Variants in LRP6 observed in about 807,000 individuals in gnomAD.
LRP6 encodes LDL receptor related protein 6.
In LRP6, 43 loss-of-function variants were observed where a neutral mutation model predicts 184.1. The ratio of observed to expected loss-of-function variants is 0.23; its 90% CI spans 0.18 to 0.30. LRP6 has a LOEUF of 0.30. Ranked by LOEUF, LRP6 falls within the 10% of genes least tolerant of loss-of-function variation. The pLI is 1.00. For synonymous variants in LRP6, 719 were observed against 684.9 expected (o/e 1.05, Z -0.78); for missense variants, 1,571 against 2,005.3 (o/e 0.78, Z 4.14).
chr12:12,182,707 C>T (rs1863372500), intron 5 of LRP6, among the ~76,000 whole-genome samples: 1 of 152,186 alleles, frequency 6.6e-6, no homozygotes, highest in Non-Finnish European at 1.5e-5. Context: ...GCCCAAATGC[C>T]ACTGCAGGAA....
At chr12:12,233,821 T>C (rs1478536464) in intron 2 of LRP6, among the ~76,000 whole-genome samples, 1 of 152,070 alleles carries the variant, frequency 6.6e-6, no homozygotes, top group Non-Finnish European at 1.5e-5. Flanking sequence ...AAGTGAGATA[T>C]CGATGTGTGA....
intron 15 of LRP6, among the ~76,000 whole-genome samples, chr12:12,146,353 C>T (rs1048296926): frequency 6.6e-6 from 1 of 152,186 alleles, no homozygotes; most frequent in Admixed American, 6.5e-5. Flanking sequence ...ACCATACTGG[C>T]CAATGCTAGG....
intron 2 of LRP6, among the ~76,000 whole-genome samples, chr12:12,228,804 C>T (rs942555683): frequency 1.8e-4 from 28 of 152,268 alleles, no homozygotes; most frequent in African/African-American, 6.3e-4. Context: ...TGTGGAAAAA[C>T]TGTCTTCCAC....
chr12:12,178,033 T>C (rs1863240730), intron 7 of LRP6, among the ~76,000 whole-genome samples: 2 of 152,094 alleles, frequency 1.3e-5, no homozygotes, highest in African/African-American at 4.8e-5. Flanking sequence ...TGTATATATA[T>C]ATATATGCAT....
intron 15 of LRP6, among the ~76,000 whole-genome samples, chr12:12,143,498 T>C (rs1013440011): frequency 6.6e-6 from 1 of 152,022 alleles, no homozygotes; most frequent in Non-Finnish European, 1.5e-5. Context: ...ATGAATCTAT[T>C]GCAGTTATAA....
chr12:12,214,896 G>C (rs1864300052), intron 2 of LRP6, among the ~76,000 whole-genome samples: 2 of 152,194 alleles, frequency 1.3e-5, no homozygotes, highest in South Asian at 4.1e-4. Flanking sequence ...AAACTCACCA[G>C]ATCACCACAT....
At chr12:12,252,458 CTAAGTT>C (rs1488903977) in intron 1 of LRP6, among the ~76,000 whole-genome samples, 2 of 152,178 alleles carry the variant, frequency 1.3e-5, no homozygotes, top group African/African-American at 4.8e-5. Flanking sequence ...CTTACCCTCC[CTAAGTT>C]TAAGTTAAAT....
intron 3 of LRP6, among the ~76,000 whole-genome samples, chr12:12,196,681 A>G (rs1028029141): frequency 1.3e-5 from 2 of 151,644 alleles, no homozygotes; most frequent in African/African-American, 4.8e-5. Flanking sequence ...TATTTCATTT[A>G]TATGTCCAGA....
chr12:12,179,823 G>C lies in LRP6; in HGVS notation c.1532C>G (p.Thr511Arg), dbSNP rs1863298098. 1.2e-6 allele frequency: 2 copies of C among 1,613,738 alleles called. No homozygotes were observed. Residue 511 changes from threonine to arginine, a missense_variant, in exon 7 of 23, where the codon ACA (threonine) becomes AGA (arginine). Coordinates refer to ENST00000261349, the MANE Select transcript of LRP6 (RefSeq NM_002336.3). ...CAAAAAACAAACCTCAATCTTGTCT[G>C]TTTTGGCATCTCCCCAGTATATTTT... ...EGKIYWGDAK[T>R]DKIEVMNTDG...
intron 2 of LRP6, among the ~76,000 whole-genome samples, chr12:12,232,032 A>T (rs1216862246): frequency 3.3e-5 from 5 of 151,712 alleles, no homozygotes; most frequent in Middle Eastern, 3.4e-3. Context: ...CAAAAACAAA[A>T]CTCAAACTTC....
intron 2 of LRP6, among the ~76,000 whole-genome samples, chr12:12,234,068 T>C (rs1864866275): frequency 6.6e-6 from 1 of 152,060 alleles, no homozygotes; most frequent in East Asian, 1.9e-4. Flanking sequence ...GGCAGGCGGA[T>C]CACAAGGTCA....
At chr12:12,130,721 T>C in intron 19 of LRP6, 62 bp downstream of exon 19, 1 of 1,011,806 alleles carries the variant, frequency 9.9e-7, no homozygotes, top group Non-Finnish European at 1.6e-6. Flanking sequence ...ACCTCACACA[T>C]AAGAAAAAAA....
At chr12:12,231,583 T>A (rs1864789540) in intron 2 of LRP6, among the ~76,000 whole-genome samples, 1 of 151,994 alleles carries the variant, frequency 6.6e-6, no homozygotes, top group African/African-American at 2.4e-5. Flanking sequence ...AATAAGGCAA[T>A]GATAACATTT....
intron 15 of LRP6, among the ~76,000 whole-genome samples, chr12:12,147,046 G>T (rs907750739): frequency 2.0e-5 from 3 of 152,162 alleles, no homozygotes; most frequent in Non-Finnish European, 4.4e-5. Flanking sequence ...CAGATACTCA[G>T]GAGGCTGAGG....
chr12:12,215,299 A>G (rs1864312409), intron 2 of LRP6, among the ~76,000 whole-genome samples: 1 of 152,244 alleles, frequency 6.6e-6, no homozygotes, highest in South Asian at 2.1e-4. Context: ...CTGATCCCTG[A>G]GATTTGAGGG....
At position 12,131,943 on chromosome 12, in the gene LRP6, A is replaced by G; in HGVS notation, c.3848T>C (p.Leu1283Pro). 1 of 1,614,202 alleles carries G rather than the reference A, an allele frequency of 6.2e-7. No homozygotes were observed. The highest frequency in any genetic ancestry group is 1.1e-5 in the South Asian group (1 of 91,078). Residue 1283 changes from leucine to proline, a missense_variant, in exon 18 of 23, where the codon CTC becomes CCC. Around this residue, in one of 4 missense-constraint regions of LRP6, gnomAD observed 763 missense variants for 859.5 expected, o/e 0.89. Coordinates refer to ENST00000261349, the MANE Select transcript of LRP6 (RefSeq NM_002336.3). ...FTECEDHSDE[L>P]NCPVCSESQF... ...GGACTCTGAGCATACAGGACAATTGAGTTCATCACTGTGGTCTTCACATTC... is the reference window on the plus strand; with the variant it reads ...GGACTCTGAGCATACAGGACAATTGGGTTCATCACTGTGGTCTTCACATTC...
At chr12:12,155,848 A>G in intron 12 of LRP6, 1 of 653,044 alleles carries the variant, frequency 1.5e-6, no homozygotes, top group South Asian at 1.7e-5. Flanking sequence ...CAAGGTCACA[A>G]AGCTGTTGGG....
intron 3 of LRP6, among the ~76,000 whole-genome samples, chr12:12,189,909 T>C (rs962845517): frequency 3.3e-5 from 5 of 152,190 alleles, no homozygotes; most frequent in Non-Finnish European, 4.4e-5. Context: ...GTTAGTGAAC[T>C]GTTTTATAAC....
Position 12,117,272 on chromosome 12 carries a change from A to T in LRP6, c.*3854T>A, listed in dbSNP as rs572029183. ...TAAGCTTCTTTAGGACTCAGTCCAC[A>T]CTTAGTGCATAGTCTCATCTGTAGA... On this transcript the variant is annotated 3_prime_UTR_variant, in exon 23 of 23. Transcript: ENST00000261349. 1.3e-5 allele frequency: 2 copies of T among 152,348 alleles called. No individual in the cohort carries two copies. The highest frequency in any genetic ancestry group is 6.5e-5 in the Admixed American group (1 of 15,302). The allele number at this position is 152,348 out of a possible 1,614,324, so 9.4% of individuals were successfully genotyped here.
Sources: allele counts gnomAD v4.1 joint callset (sites outside exome capture counted in the v4.1 genomes callset), GRCh38; gene constraint gnomAD v4.1.1; regional missense constraint gnomAD v4.1.1; transcripts MANE v1.5; gene names NCBI Gene and HGNC (gene_info 2026-07-23, HGNC 2026-07-21).